INTS9: variants seen among roughly 807,000 people sequenced by gnomAD.
The protein encoded by INTS9 is protein related to CPSF subunits of 74 kDa.
In INTS9, 55 loss-of-function variants were observed where a neutral mutation model predicts 79.7. That is an observed-to-expected ratio of 0.69 (90% CI 0.56 to 0.86). INTS9 has a LOEUF of 0.86. INTS9 is among the 40% of genes least tolerant of loss of function. INTS9 has a pLI of 0.00. For missense variants in INTS9, 721 were observed against 831.5 expected, an observed-to-expected ratio of 0.87 and a Z score of 1.64; for synonymous variants, 319 against 325.2, an observed-to-expected ratio of 0.98 and a Z score of 0.20.
At chr8:28,830,507 C>G (rs576331732) in intron 6 of INTS9, among the ~76,000 whole-genome samples, 7 of 151,924 alleles carry the variant, frequency 4.6e-5, no homozygotes, top group Non-Finnish European at 8.8e-5. Context: ...ATCTCTAGTC[C>G]CAGCTACTCA....
intron 1 of INTS9, among the ~76,000 whole-genome samples, chr8:28,885,465 T>G (rs1006996675): frequency 6.6e-6 from 1 of 152,154 alleles, no homozygotes; most frequent in Non-Finnish European, 1.5e-5. Context: ...GGGTCAAATG[T>G]AATGGTTAAA....
intron 16 of INTS9, among the ~76,000 whole-genome samples, chr8:28,768,685 G>A (rs1484966940): frequency 6.6e-6 from 1 of 152,218 alleles, no homozygotes; most frequent in Non-Finnish European, 1.5e-5. Flanking sequence ...GAAAATGCCA[G>A]GTGACACCAA....
At chr8:28,822,233 T>C (rs1246256938) in intron 6 of INTS9, among the ~76,000 whole-genome samples, 3 of 151,806 alleles carry the variant, frequency 2.0e-5, no homozygotes, top group Non-Finnish European at 4.4e-5. Flanking sequence ...AATATTTAAA[T>C]GACAATCTAA....
intron 3 of INTS9, among the ~76,000 whole-genome samples, chr8:28,847,653 C>T (rs1052889110): frequency 7.2e-5 from 11 of 152,234 alleles, no homozygotes; most frequent in Non-Finnish European, 1.2e-4. Context: ...TCCAACTTCT[C>T]ACCCCACCCA....
At chr8:28,825,081 G>A (rs968005494) in intron 6 of INTS9, among the ~76,000 whole-genome samples, 3 of 152,180 alleles carry the variant, frequency 2.0e-5, no homozygotes, top group Non-Finnish European at 2.9e-5. Context: ...GAACTTGACA[G>A]GACTCAAGGA....
At chr8:28,800,007 C>A (rs1319914465) in intron 8 of INTS9, among the ~76,000 whole-genome samples, 2 of 152,192 alleles carry the variant, frequency 1.3e-5, no homozygotes, top group East Asian at 3.8e-4. Flanking sequence ...TTCCCCTATA[C>A]CAAGTTGTCC....
chr8:28,843,628 G>T (rs1349090390), intron 4 of INTS9, among the ~76,000 whole-genome samples: 3 of 152,102 alleles, frequency 2.0e-5, no homozygotes, highest in Non-Finnish European at 4.4e-5. Flanking sequence ...CTAATACAAG[G>T]TAAAAATGTA....
chr8:28,768,324 T>G lies in INTS9; in HGVS notation c.1801-2A>C. 6.2e-7 allele frequency: 1 copy of G among 1,612,938 alleles called. No individual in the cohort carries two copies. Among genetic ancestry groups the G allele is most frequent in the Admixed American group, 1.7e-5 (1 of 60,020 alleles). ...CACCTTAATATCACTGAAGCCATGC[T>G]GCTCCAGAAGAAAAGAAAGAGGTGG... On this transcript the variant is annotated splice_acceptor_variant, in intron 16 of 16. Transcript: ENST00000521022. LOFTEE classifies it high-confidence loss of function.
At chr8:28,792,484 T>G (rs946437312) in intron 10 of INTS9, among the ~76,000 whole-genome samples, 2 of 151,132 alleles carry the variant, frequency 1.3e-5, no homozygotes, top group African/African-American at 4.9e-5. Context: ...AAAAACTTCT[T>G]GCAAAAAAAC....
chr8:28,844,099 A>C (rs942122570), intron 4 of INTS9, among the ~76,000 whole-genome samples: 1 of 152,218 alleles, frequency 6.6e-6, no homozygotes. Flanking sequence ...TCCCCACAAC[A>C]GCAACAGGAG....
At chr8:28,782,703 C>G (rs1213626682) in intron 11 of INTS9, among the ~76,000 whole-genome samples, 3 of 152,170 alleles carry the variant, frequency 2.0e-5, no homozygotes, top group African/African-American at 7.2e-5. Context: ...ATTGCTTGAG[C>G]CCAGAAGTTT....
At chr8:28,833,618 TCAAAAA>T (rs373629333) in intron 6 of INTS9, among the ~76,000 whole-genome samples, 166 of 136,940 alleles carry the variant, frequency 1.2e-3, no homozygotes, top group Middle Eastern at 4.5e-3. Context: ...AGACTCTGTC[TCAAAAA>T]CAAAAACAAA....
Position 28,793,993 on chromosome 8 carries a change from A to G in INTS9, c.857-6T>C, listed in dbSNP as rs1293579513. ...TCCATTCCGGACTGTCAGAGCTAGAAAAGTGGATGCCAGAGGAGAAAAAAC... is the reference window on the plus strand; with the variant it reads ...TCCATTCCGGACTGTCAGAGCTAGAGAAGTGGATGCCAGAGGAGAAAAAAC... On this transcript the variant is annotated splice_region_variant and splice_polypyrimidine_tract_variant and intron_variant, in intron 9 of 16. Coordinates refer to ENST00000521022, the MANE Select transcript of INTS9 (RefSeq NM_018250.4). 2.6e-6 allele frequency: 4 copies of G among 1,548,892 alleles called. No individual in the cohort carries two copies. Among genetic ancestry groups the G allele is most frequent in the East Asian group, 4.6e-5 (2 of 43,788 alleles).
At chr8:28,805,711 C>T (rs1228663767) in intron 8 of INTS9, among the ~76,000 whole-genome samples, 1 of 151,698 alleles carries the variant, frequency 6.6e-6, no homozygotes, top group Non-Finnish European at 1.5e-5. Flanking sequence ...GATACAGATA[C>T]TGATAAGTAA....
chr8:28,873,785 G>A (rs899732671), intron 1 of INTS9, among the ~76,000 whole-genome samples: 5 of 152,134 alleles, frequency 3.3e-5, no homozygotes, highest in African/African-American at 1.2e-4. Context: ...TCAACATGTC[G>A]ATGTGACTGA....
intron 6 of INTS9, among the ~76,000 whole-genome samples, chr8:28,815,167 T>C (rs889565666): frequency 6.6e-6 from 1 of 152,060 alleles, no homozygotes; most frequent in Non-Finnish European, 1.5e-5. Context: ...TAAGATAGTA[T>C]AGCTAAGAAA....
intron 1 of INTS9, among the ~76,000 whole-genome samples, chr8:28,879,372 T>A (rs1323666534): frequency 6.6e-6 from 1 of 152,140 alleles, no homozygotes; most frequent in Non-Finnish European, 1.5e-5. Context: ...CCAAGAACCA[T>A]TTACGATAAA....
chr8:28,842,532 T>C (rs1032698428), intron 4 of INTS9, among the ~76,000 whole-genome samples: 1 of 152,212 alleles, frequency 6.6e-6, no homozygotes, highest in Non-Finnish European at 1.5e-5. Flanking sequence ...GCTTCTTCTA[T>C]GTCTCCTTCT....
intron 6 of INTS9, among the ~76,000 whole-genome samples, chr8:28,818,760 C>T (rs1474769612): frequency 2.0e-5 from 3 of 150,218 alleles, no homozygotes; most frequent in Middle Eastern, 3.4e-3. Flanking sequence ...TGGTAGAATT[C>T]GGCTGTGAAT....
Sources: allele counts gnomAD v4.1 joint callset (sites outside exome capture counted in the v4.1 genomes callset), GRCh38; gene constraint gnomAD v4.1.1; transcripts MANE v1.5; gene names NCBI Gene and HGNC (gene_info 2026-07-23, HGNC 2026-07-21).